The following TCF4 variants were observed in gnomAD, a reference collection of about 807,000 sequenced individuals.
TCF4 encodes the protein transcription factor 4.
A neutral mutation model predicts 82.1 loss-of-function variants in TCF4; 3 were observed. The observed-to-expected ratio is 0.04, with a 90% CI of 0.02 to 0.09. The LOEUF is 0.09. Ranked by LOEUF, TCF4 falls within the 10% of genes least tolerant of loss-of-function variation. The pLI, the probability that TCF4 is intolerant of heterozygous loss-of-function variation, is 1.00. For missense variants in TCF4, 518 were observed against 852.7 expected (o/e 0.61, Z 4.89); for synonymous variants, 276 against 309.6 (o/e 0.89, Z 1.14).
chr18:55,528,555 CA>C (rs1371963379), intron 3 of TCF4, among the ~76,000 whole-genome samples: 15 of 152,026 alleles, frequency 9.9e-5, no homozygotes, highest in African/African-American at 3.6e-4. Context: ...ATATTTTTGA[CA>C]AGATGTAAAA....
chr18:55,351,595 A>C (rs1281378579), intron 6 of TCF4, among the ~76,000 whole-genome samples: 2 of 152,128 alleles, frequency 1.3e-5, no homozygotes, highest in East Asian at 3.8e-4. Flanking sequence ...ATTCCAAGCT[A>C]ACAGCCACAA....
intron 8 of TCF4, among the ~76,000 whole-genome samples, chr18:55,337,878 A>G (rs576433907): frequency 1.2e-3 from 176 of 152,146 alleles, no homozygotes; most frequent in African/African-American, 4.1e-3. Context: ...GGCCATGTAC[A>G]TACACACAAA....
chr18:55,614,609 TTAAAA>T (rs1230631002), intron 2 of TCF4, among the ~76,000 whole-genome samples: 1 of 152,226 alleles, frequency 6.6e-6, no homozygotes, highest in African/African-American at 2.4e-5. Flanking sequence ...AATTGGGTTC[TTAAAA>T]TTTTTTTTGA....
At chr18:55,584,494 G>A (rs4144686) in intron 3 of TCF4, among the ~76,000 whole-genome samples, 20,455 of 152,048 alleles carry the variant, frequency 0.13, 1,825 homozygotes, top group Admixed American at 0.27. Flanking sequence ...CATTTTAAAT[G>A]AATATTTTCA....
intron 2 of TCF4, among the ~76,000 whole-genome samples, chr18:55,623,480 C>A (rs536612807): frequency 6.6e-6 from 1 of 152,188 alleles, no homozygotes; most frequent in African/African-American, 2.4e-5. Flanking sequence ...TATGTTTTTA[C>A]AACATTCAAA....
At chr18:55,435,619 A>G (rs892782035) in intron 5 of TCF4, among the ~76,000 whole-genome samples, 3 of 152,002 alleles carry the variant, frequency 2.0e-5, no homozygotes, top group African/African-American at 4.8e-5. Context: ...TGTAGAGCCT[A>G]CTCCTCATAC....
chr18:55,501,387 G>A (rs922541009), intron 3 of TCF4, among the ~76,000 whole-genome samples: 28 of 151,984 alleles, frequency 1.8e-4, no homozygotes, highest in Non-Finnish European at 2.6e-4. Flanking sequence ...TAACGGCTTT[G>A]TTTACAAATA....
chr18:55,575,401 C>T (rs1260657774), intron 3 of TCF4, among the ~76,000 whole-genome samples: 1 of 152,166 alleles, frequency 6.6e-6, no homozygotes, highest in African/African-American at 2.4e-5. Context: ...GGATATTCAA[C>T]CTGGAAATAT....
Position 55,620,626 on chromosome 18 carries a change from T to C in TCF4, c.286+10672A>G, listed in dbSNP as rs546086299. ...CTCTGTCTCAACTCAGAGAGCCTAC[T>C]GAGTTCTGCTTAGGTTTTATCTTCC... On this transcript the variant is annotated intron_variant, in intron 2 of 20. Transcript: ENST00000398339. Among the ~76,000 whole-genome samples the C allele has an allele frequency of 3.3e-5, 5 of 152,316 alleles. No individual in the cohort carries two copies. In the East Asian group the frequency reaches 7.7e-4, roughly 24 times the overall value.
intron 3 of TCF4, among the ~76,000 whole-genome samples, chr18:55,471,415 G>A (rs2096176071): frequency 6.6e-6 from 1 of 152,152 alleles, no homozygotes; most frequent in South Asian, 2.1e-4. Context: ...GTTAAGATGT[G>A]TCAGGCCAGG....
intron 8 of TCF4, among the ~76,000 whole-genome samples, chr18:55,341,913 G>A (rs1251359289): frequency 6.6e-6 from 1 of 152,138 alleles, no homozygotes; most frequent in Non-Finnish European, 1.5e-5. Flanking sequence ...TGACGCAAGT[G>A]ACACAAGACT....
At chr18:55,235,101 C>T (rs988368168) in intron 15 of TCF4, among the ~76,000 whole-genome samples, 9 of 151,990 alleles carry the variant, frequency 5.9e-5, no homozygotes, top group Non-Finnish European at 1.0e-4. Context: ...ATTTGGCATT[C>T]GACTTTCATT....
intron 3 of TCF4, among the ~76,000 whole-genome samples, chr18:55,528,975 C>T (rs1260578471): frequency 6.6e-6 from 1 of 152,132 alleles, no homozygotes; most frequent in African/African-American, 2.4e-5. Flanking sequence ...GTCAGTACTT[C>T]AAGACCAGCC....
chr18:55,338,552 T>G (rs923488482), intron 8 of TCF4, among the ~76,000 whole-genome samples: 1 of 152,252 alleles, frequency 6.6e-6, no homozygotes, highest in Non-Finnish European at 1.5e-5. Flanking sequence ...AGAGTCATTT[T>G]CTTATATAAT....
chr18:55,272,039 G>A (rs2060490864), intron 10 of TCF4, among the ~76,000 whole-genome samples: 1 of 152,028 alleles, frequency 6.6e-6, no homozygotes, highest in South Asian at 2.1e-4. Flanking sequence ...ATAATCAGAA[G>A]ATGAAACAAA....
chr18:55,388,356 A>T (rs1419718694), intron 6 of TCF4, among the ~76,000 whole-genome samples: 2 of 152,146 alleles, frequency 1.3e-5, no homozygotes, highest in African/African-American at 2.4e-5. Context: ...GGTCCTTTTC[A>T]CCACAACCAG....
At chr18:55,291,615 C>T (rs2065114120) in intron 8 of TCF4, among the ~76,000 whole-genome samples, 1 of 152,128 alleles carries the variant, frequency 6.6e-6, no homozygotes, top group South Asian at 2.1e-4. Context: ...GACTCTGTGG[C>T]ACAGATTGAA....
chr18:55,499,717 G>T (rs1335126694), intron 3 of TCF4, among the ~76,000 whole-genome samples: 1 of 152,132 alleles, frequency 6.6e-6, no homozygotes, highest in African/African-American at 2.4e-5. Context: ...TCCTGTACCT[G>T]GGGAAAGAGC....
intron 5 of TCF4, among the ~76,000 whole-genome samples, chr18:55,433,115 C>T (rs181159190): frequency 5.3e-5 from 8 of 152,320 alleles, no homozygotes; most frequent in Admixed American, 3.3e-4. Flanking sequence ...TAACCTGTCA[C>T]ATCTACCTGT....
Sources: gnomAD v4.1 joint callset for allele counts (sites outside exome capture counted in the v4.1 genomes callset) on GRCh38, gnomAD v4.1.1 for gene constraint, MANE v1.5 for transcripts, NCBI Gene and HGNC (gene_info 2026-07-23, HGNC 2026-07-21) for gene names.